B3GALT5: variants seen among roughly 807,000 people sequenced by gnomAD.
B3GALT5 encodes UDP-Gal:betaGlcNAc beta 1,3-galactosyltransferase, polypeptide 5.
For missense variants in B3GALT5, 328 were observed against 396.6 expected (o/e 0.83, Z 1.47); for synonymous variants, 156 against 158.6 (o/e 0.98, Z 0.12).
Position 39,672,465 on chromosome 21 carries a change from T to C in B3GALT5, c.*10973T>C, listed in dbSNP as rs2079638495. On this transcript the variant is annotated 3_prime_UTR_variant, in exon 4 of 4. Coordinates refer to ENST00000684187, the MANE Select transcript of B3GALT5 (RefSeq NM_001356336.2). ...TGTCACTGAATGCTATTTGAAACTG[T>C]CATTTCCTTGTATATTAGGGGGATC... is the stretch of plus-strand genomic sequence containing the variant. 1 of 152,268 alleles carries C rather than the reference T, an allele frequency of 6.6e-6. No homozygotes were observed. Among genetic ancestry groups the C allele is most frequent in the African/African-American group, 2.4e-5 (1 of 41,468 alleles). 9.4% of individuals were successfully genotyped at this position (152,268 alleles called of 1,614,324 possible).
chr21:39,616,262 C>G (rs906933480), intron 1 of B3GALT5, among the ~76,000 whole-genome samples: 1 of 152,154 alleles, frequency 6.6e-6, no homozygotes, highest in African/African-American at 2.4e-5. Context: ...AATGCTCTCT[C>G]TCTTTTTCTT....
In B3GALT5 at chr21:39,647,342, C is replaced by T. The variant is rs1003452601; in HGVS notation, c.-161+720C>T. On this transcript the variant is annotated intron_variant, in intron 2 of 3. Coordinates refer to ENST00000684187, the MANE Select transcript of B3GALT5 (RefSeq NM_001356336.2). Reference sequence around the variant, plus strand: ...AAATCTGAGCGCTGGAAATTGCTTCCATTGCCTGTGGTTTAGGGTGCCTCA... The same window carrying T: ...AAATCTGAGCGCTGGAAATTGCTTCTATTGCCTGTGGTTTAGGGTGCCTCA... 2.3e-4 allele frequency among the ~76,000 whole-genome samples: 35 copies of T among 152,276 alleles called. 1 individual carries two copies. Among genetic ancestry groups the T allele is most frequent in the Admixed American group, 2.6e-4 (4 of 15,296 alleles).
At chr21:39,643,169 G>T (rs2079305393) in intron 1 of B3GALT5, among the ~76,000 whole-genome samples, 1 of 152,196 alleles carries the variant, frequency 6.6e-6, no homozygotes, top group Admixed American at 6.5e-5. Flanking sequence ...ACTCAATGGG[G>T]CCATTGGCGA....
In B3GALT5 at chr21:39,643,006, C is replaced by T. The variant is rs187320134; in HGVS notation, c.-391-3386C>T. 6.3e-4 allele frequency among the ~76,000 whole-genome samples: 94 copies of T among 149,076 alleles called. 1 individual carries two copies. The highest frequency in any genetic ancestry group is 3.7e-3 in the Middle Eastern group (1 of 270). On this transcript the variant is annotated intron_variant, in intron 1 of 3. Transcript: ENST00000684187. Reference sequence around the variant, plus strand: ...GGTCAAGGCTGCAGTGAGCCAAGATCGTGGCACTGCACTCCAGCCTGGGCG... The same window carrying T: ...GGTCAAGGCTGCAGTGAGCCAAGATTGTGGCACTGCACTCCAGCCTGGGCG...
Position 39,660,920 on chromosome 21 carries a change from C to A in B3GALT5, c.361C>A (p.Gln121Lys). The A allele has an allele frequency of 6.2e-7, 1 of 1,609,366 alleles. No individual in the cohort carries two copies. Residue 121 changes from glutamine (Q) to lysine (K), a missense_variant, in exon 4 of 4, where the codon CAG becomes AAG. By Grantham distance (53) the Gln-to-Lys change is moderately conservative. Coordinates refer to ENST00000684187, the MANE Select transcript of B3GALT5 (RefSeq NM_001356336.2). The stretch of plus-strand genomic sequence containing the variant: ...GAGCCAGCGACACGGGGACATTATC[C>A]AGAAGGATTTCCTAGACGTCTATTA... ...QESQRHGDII[Q>K]KDFLDVYYNL... is the part of the protein sequence containing the mutation.
intron 1 of B3GALT5, among the ~76,000 whole-genome samples, chr21:39,639,784 G>A (rs528497458): frequency 2.0e-5 from 3 of 152,018 alleles, no homozygotes; most frequent in East Asian, 1.9e-4. Context: ...AGCCCAGCAC[G>A]CATCTGGCAT....
At chr21:39,613,886 CA>C (rs2079093835) in intron 1 of B3GALT5, among the ~76,000 whole-genome samples, 1 of 152,204 alleles carries the variant, frequency 6.6e-6, no homozygotes, top group South Asian at 2.1e-4. Flanking sequence ...GTTAGCATAG[CA>C]AACTTAAGTC....
intron 1 of B3GALT5, among the ~76,000 whole-genome samples, chr21:39,645,223 A>C (rs557785303): frequency 6.6e-6 from 1 of 152,250 alleles, no homozygotes; most frequent in East Asian, 1.9e-4. Context: ...GGGCATATAA[A>C]GGCACAGTTG....
chr21:39,660,917 A>G lies in B3GALT5; in HGVS notation c.358A>G (p.Ile120Val). Residue 120 changes from isoleucine to valine, a missense_variant, in exon 4 of 4, where the codon ATC becomes GTC. Transcript: ENST00000684187. ...GGAGAGCCAGCGACACGGGGACATT[A>G]TCCAGAAGGATTTCCTAGACGTCTA... ...DQESQRHGDI[I>V]QKDFLDVYYN... 1 of 1,609,766 alleles carries G rather than the reference A, an allele frequency of 6.2e-7. No individual in the cohort carries two copies.
chr21:39,637,680 AC>A (rs1303985977), intron 1 of B3GALT5, among the ~76,000 whole-genome samples: 1 of 152,198 alleles, frequency 6.6e-6, no homozygotes, highest in East Asian at 1.9e-4. Flanking sequence ...TGATTGATTA[AC>A]TTGCCACCAG....
chr21:39,639,400 T>TTCCCTTTCTTTC (rs1339331444), intron 1 of B3GALT5, among the ~76,000 whole-genome samples: 14 of 57,188 alleles, frequency 2.4e-4, no homozygotes, highest in African/African-American at 8.9e-4. Context: ...CCTTCTTTCT[T>TTCCCTTTCTTTC]TTTCTTTCTT....
At chr21:39,616,001 ATTGTGAGCAAGGGCAGAATTAT>A (rs1295364360) in intron 1 of B3GALT5, among the ~76,000 whole-genome samples, 1 of 152,240 alleles carries the variant, frequency 6.6e-6, no homozygotes, top group East Asian at 1.9e-4. Context: ...TGAGAAGAAT[ATTGTGAGCAAGGGCAGAATTAT>A]TTTTATAAGA....
chr21:39,647,545 GCCACGCTGGT>G (rs58501188), intron 2 of B3GALT5, among the ~76,000 whole-genome samples: 80,935 of 151,418 alleles, frequency 0.53, 21,769 homozygotes, highest in South Asian at 0.59. Context: ...CACCTTGCTG[GCCACGCTGGT>G]CCACGCTGGT....
At position 39,637,150 on chromosome 21, in the gene B3GALT5, T is replaced by C. The variant is rs142884291; in HGVS notation, c.-391-9242T>C. Reference sequence around the variant, plus strand: ...ATTTCACAAGGATTACCTGGAAAGCTGTGACGTTTTCCGAGTCCTAAAACA... The same window carrying C: ...ATTTCACAAGGATTACCTGGAAAGCCGTGACGTTTTCCGAGTCCTAAAACA... On this transcript the variant is annotated intron_variant, in intron 1 of 3. Coordinates refer to ENST00000684187, the MANE Select transcript of B3GALT5 (RefSeq NM_001356336.2). 1.1e-3 allele frequency among the ~76,000 whole-genome samples: 167 copies of C among 152,362 alleles called. 1 individual carries two copies. The highest frequency in any genetic ancestry group is 3.7e-3 in the African/African-American group (154 of 41,586).
intron 1 of B3GALT5, among the ~76,000 whole-genome samples, chr21:39,639,422 TTC>T (rs1384713685): frequency 1.7e-5 from 2 of 119,012 alleles, no homozygotes; most frequent in African/African-American, 3.4e-5. Flanking sequence ...CTTTCTTTCT[TTC>T]TTTCTTTCTT....
chr21:39,625,314 T>A (rs1000808631), intron 1 of B3GALT5, among the ~76,000 whole-genome samples: 2 of 152,222 alleles, frequency 1.3e-5, no homozygotes, highest in African/African-American at 4.8e-5. Flanking sequence ...GATCAGTCGT[T>A]CTGAGCCTGA....
chr21:39,617,804 A>C (rs1798004809), intron 1 of B3GALT5, among the ~76,000 whole-genome samples: 1 of 152,108 alleles, frequency 6.6e-6, no homozygotes, highest in Admixed American at 6.5e-5. Context: ...TGTGTGGCCC[A>C]AGACAATTCT....
At chr21:39,623,178 T>A in intron 1 of B3GALT5, among the ~76,000 whole-genome samples, 1 of 130,060 alleles carries the variant, frequency 7.7e-6, no homozygotes, top group Non-Finnish European at 1.7e-5. Context: ...TCTCTCTCTC[T>A]TTTCCATCCA....
Position 39,662,496 on chromosome 21 carries a change from C to T in B3GALT5, c.*1004C>T, listed in dbSNP as rs2079538315. On this transcript the variant is annotated 3_prime_UTR_variant, in exon 4 of 4. Coordinates refer to ENST00000684187, the MANE Select transcript of B3GALT5 (RefSeq NM_001356336.2). ...AGTTGGAGTCAAGTCAGGATGCTCTCAAGGACCCCTCGGGCTCAGAGCCCT... is the reference window on the plus strand; with the variant it reads ...AGTTGGAGTCAAGTCAGGATGCTCTTAAGGACCCCTCGGGCTCAGAGCCCT... 6.0e-6 allele frequency: 1 copy of T among 167,150 alleles called. No individual in the cohort carries two copies. The highest frequency in any genetic ancestry group is 2.4e-5 in the African/African-American group (1 of 41,464). The allele number at this position is 167,150 out of a possible 1,614,324, so 10.4% of individuals were successfully genotyped here.
Sources: gnomAD v4.1 joint callset for allele counts (sites outside exome capture counted in the v4.1 genomes callset) on GRCh38, gnomAD v4.1.1 for gene constraint, MANE v1.5 for transcripts, NCBI Gene and HGNC (gene_info 2026-07-23, HGNC 2026-07-21) for gene names.